The following DGKG variants were observed in gnomAD, a reference collection of about 807,000 sequenced individuals.
The protein encoded by DGKG is DAG kinase gamma.
In DGKG, 78 loss-of-function variants were observed where a neutral mutation model predicts 105.3. The observed-to-expected ratio is 0.74, with a 90% CI of 0.62 to 0.89. The LOEUF (loss-of-function observed/expected upper bound fraction) is 0.89. Ranked by LOEUF, DGKG falls within the 40% of genes least tolerant of loss-of-function variation. The pLI is 0.00. For synonymous variants in DGKG, 346 were observed against 367.1 expected, an observed-to-expected ratio of 0.94 and a Z score of 0.66; for missense variants, 958 against 1,020.1, an observed-to-expected ratio of 0.94 and a Z score of 0.83.
chr3:186,250,199 A>G (rs1272826234), intron 19 of DGKG, among the ~76,000 whole-genome samples: 1 of 152,198 alleles, frequency 6.6e-6, no homozygotes, highest in Non-Finnish European at 1.5e-5. Context: ...TGGAATATGT[A>G]CAGTCTAGCA....
intron 3 of DGKG, among the ~76,000 whole-genome samples, chr3:186,306,502 T>C (rs955714128): frequency 9.3e-5 from 14 of 151,254 alleles, no homozygotes; most frequent in African/African-American, 2.7e-4. Flanking sequence ...CGTGGGGGAG[T>C]TGGACGTAGA....
At chr3:186,212,100 C>T (rs574596649) in intron 20 of DGKG, among the ~76,000 whole-genome samples, 8 of 151,886 alleles carry the variant, frequency 5.3e-5, no homozygotes, top group Non-Finnish European at 7.3e-5. Context: ...TTAGACATCA[C>T]GGCAACCCTG....
intron 2 of DGKG, chr3:186,313,547 C>T: frequency 3.0e-6 from 3 of 985,096 alleles, no homozygotes; most frequent in Non-Finnish European, 3.6e-6. Context: ...ACAACTTGGA[C>T]CATCTTGCAA....
chr3:186,167,568 G>A (rs781417661), intron 22 of DGKG, among the ~76,000 whole-genome samples: 34 of 152,298 alleles, frequency 2.2e-4, no homozygotes, highest in Non-Finnish European at 3.7e-4. Flanking sequence ...CAGAATGCAA[G>A]TCAGTGTCTA....
intron 1 of DGKG, among the ~76,000 whole-genome samples, chr3:186,332,267 T>C (rs1203979132): frequency 1.3e-5 from 2 of 152,164 alleles, no homozygotes; most frequent in Non-Finnish European, 2.9e-5. Flanking sequence ...TCCAGGAAAT[T>C]TGTAGGCAAA....
chr3:186,317,383 T>C (rs912719805), intron 2 of DGKG, among the ~76,000 whole-genome samples: 3 of 152,198 alleles, frequency 2.0e-5, no homozygotes, highest in Non-Finnish European at 4.4e-5. Flanking sequence ...ACCAGAGCTA[T>C]GGACTGACCC....
intron 1 of DGKG, among the ~76,000 whole-genome samples, chr3:186,351,909 G>A (rs1325798860): frequency 6.6e-6 from 1 of 152,216 alleles, no homozygotes; most frequent in Non-Finnish European, 1.5e-5. Context: ...TCTGTAATTT[G>A]AGAAATCGCT....
chr3:186,329,309 C>T (rs780573256), intron 1 of DGKG, among the ~76,000 whole-genome samples: 19 of 152,152 alleles, frequency 1.2e-4, no homozygotes, highest in Admixed American at 2.0e-4. Context: ...GTTTCTAATG[C>T]ATTTTCTAGC....
intron 6 of DGKG, 106 bp downstream of exon 6, chr3:186,288,604 T>C: frequency 8.2e-7 from 1 of 1,216,820 alleles, no homozygotes. Context: ...GCGGGACGCA[T>C]ATCCGTGATA....
At chr3:186,164,806 C>T (rs1716458006) in intron 23 of DGKG, 92 bp downstream of exon 23, 1 of 1,430,056 alleles carries the variant, frequency 7.0e-7, no homozygotes. Context: ...ACTCTCCCTG[C>T]CCTAAAATCC....
intron 3 of DGKG, among the ~76,000 whole-genome samples, chr3:186,302,187 G>C (rs1723951724): frequency 6.6e-6 from 1 of 151,924 alleles, no homozygotes; most frequent in African/African-American, 2.4e-5. Context: ...ACAGACCTTG[G>C]TTCCTCTACT....
chr3:186,336,620 A>C (rs1443532091), intron 1 of DGKG, among the ~76,000 whole-genome samples: 1 of 152,172 alleles, frequency 6.6e-6, no homozygotes, highest in South Asian at 2.1e-4. Context: ...ATCAACTAGC[A>C]CTCAAAACAA....
At chr3:186,273,755 G>A (rs1185883608) in intron 10 of DGKG, among the ~76,000 whole-genome samples, 1 of 152,152 alleles carries the variant, frequency 6.6e-6, no homozygotes, top group Non-Finnish European at 1.5e-5. Flanking sequence ...CTGTGGCTGA[G>A]GTCACTTGCT....
intron 5 of DGKG, among the ~76,000 whole-genome samples, chr3:186,295,395 G>T (rs1474512784): frequency 6.6e-6 from 1 of 151,664 alleles, no homozygotes; most frequent in Non-Finnish European, 1.5e-5. Context: ...CCAGCTACTC[G>T]AGAGACTGAG....
intron 2 of DGKG, among the ~76,000 whole-genome samples, chr3:186,307,859 T>C (rs929559168): frequency 6.6e-6 from 1 of 150,394 alleles, no homozygotes; most frequent in African/African-American, 2.4e-5. Flanking sequence ...CTTCTACTTC[T>C]GGAATCTTGA....
chr3:186,253,084 C>T lies in DGKG; in HGVS notation c.1600+9G>A. 6.2e-7 allele frequency: 1 copy of T among 1,613,854 alleles called. No homozygotes were observed. The highest frequency in any genetic ancestry group is 8.5e-7 in the Non-Finnish European group (1 of 1,179,714). The stretch of plus-strand genomic sequence containing the variant: ...TTCCCAGGGTACCACCATTAGCATG[C>T]AAACTCACCTCCTCCCCAGCGGAGA... On this transcript the variant is annotated intron_variant, in intron 18 of 24. Coordinates refer to ENST00000265022, the MANE Select transcript of DGKG (RefSeq NM_001346.3).
rs1374884019 is a variant in DGKG, at chr3:186,162,831, C to T, written c.2217-1168G>A. On this transcript the variant is annotated intron_variant, in intron 23 of 24. Coordinates refer to ENST00000265022, the MANE Select transcript of DGKG (RefSeq NM_001346.3). ...TGCTGGGATTACAGGCGTGAGCCAC[C>T]GCGCCTGGCCCAACCTCAATCCTTT... Among the ~76,000 whole-genome samples, 11 of 152,228 alleles carry T rather than the reference C, an allele frequency of 7.2e-5. No individual in the cohort carries two copies. The South Asian group carries it at 1.0e-3, about 14-fold the overall frequency.
intron 20 of DGKG, among the ~76,000 whole-genome samples, chr3:186,230,512 G>T (rs1330549116): frequency 2.0e-5 from 3 of 152,152 alleles, no homozygotes; most frequent in Non-Finnish European, 2.9e-5. Context: ...TGAGGCTGGT[G>T]TTTGAGGAGG....
At chr3:186,315,607 T>A (rs907261594) in intron 2 of DGKG, among the ~76,000 whole-genome samples, 2 of 151,372 alleles carry the variant, frequency 1.3e-5, no homozygotes, top group Non-Finnish European at 2.9e-5. Context: ...AGTCTATGAA[T>A]ACAGCCTAAG....
Sources: gnomAD v4.1 joint callset for allele counts (sites outside exome capture counted in the v4.1 genomes callset) on GRCh38, gnomAD v4.1.1 for gene constraint, MANE v1.5 for transcripts, NCBI Gene and HGNC (gene_info 2026-07-23, HGNC 2026-07-21) for gene names.